The following LYZL4 variants were observed in gnomAD, a reference collection of about 807,000 sequenced individuals.
The protein encoded by LYZL4 is lysozyme like 4, also known as lysozyme-like protein 4.
In LYZL4, 13 loss-of-function variants were observed where a neutral mutation model predicts 17.6. That is an observed-to-expected ratio of 0.74 (90% CI 0.48 to 1.18). LYZL4 has a LOEUF of 1.18. LYZL4 is among the 50% of genes most tolerant of loss of function. The probability of loss-of-function intolerance (pLI) is 0.00; values close to 1 mark genes in which losing one functional copy is unlikely to be tolerated. For synonymous variants in LYZL4, 64 were observed against 67.7 expected (o/e 0.95, Z 0.27); for missense variants, 174 against 188.2 (o/e 0.92, Z 0.44).
At chr3:42,400,129 C>A (rs1434309581) in intron 4 of LYZL4, among the ~76,000 whole-genome samples, 2 of 152,182 alleles carry the variant, frequency 1.3e-5, no homozygotes, top group Non-Finnish European at 2.9e-5. Flanking sequence ...CTGCTGCCTT[C>A]AGGGCACATG....
At chr3:42,368,597 T>C in the LYZL4 span, among the ~76,000 whole-genome samples, 1 of 151,888 alleles carries the variant, frequency 6.6e-6, no homozygotes, top group East Asian at 1.9e-4. Flanking sequence ...GTTGGATAGA[T>C]TTTTTTTTCA....
chr3:42,363,360 T>C, the LYZL4 span, among the ~76,000 whole-genome samples: 56 of 152,300 alleles, frequency 3.7e-4, no homozygotes, highest in African/African-American at 1.2e-3. Context: ...TGTGTTTATG[T>C]AGAAAAATAT....
intron 4 of LYZL4, among the ~76,000 whole-genome samples, chr3:42,397,776 C>G (rs977944615): frequency 6.6e-6 from 1 of 152,156 alleles, no homozygotes; most frequent in African/African-American, 2.4e-5. Context: ...GCCCCTTTCA[C>G]CTTTCCACGT....
downstream of LYZL4, among the ~76,000 whole-genome samples, chr3:42,396,699 A>T (rs1698553014): frequency 6.6e-6 from 1 of 152,216 alleles, no homozygotes; most frequent in African/African-American, 2.4e-5. Context: ...TATTTTCCCA[A>T]ATTTCTCTAA....
At chr3:42,385,233 T>C in the LYZL4 span, among the ~76,000 whole-genome samples, 1 of 152,070 alleles carries the variant, frequency 6.6e-6, no homozygotes, top group Non-Finnish European at 1.5e-5. Flanking sequence ...AGGACAGTCA[T>C]GCATTACATT....
the LYZL4 span, among the ~76,000 whole-genome samples, chr3:42,386,734 T>C: frequency 3.2e-4 from 48 of 152,354 alleles, 1 homozygote; most frequent in East Asian, 8.7e-3. Flanking sequence ...GTTAATTTTT[T>C]GGATCTGATA....
At chr3:42,370,228 T>C in the LYZL4 span, among the ~76,000 whole-genome samples, 2 of 152,182 alleles carry the variant, frequency 1.3e-5, no homozygotes, top group African/African-American at 4.8e-5. Context: ...ACACTGCCCC[T>C]ATTTAGTAGT....
At chr3:42,403,928 T>C in intron 4 of LYZL4, 118 bp downstream of exon 4, 1 of 649,640 alleles carries the variant, frequency 1.5e-6, no homozygotes, top group Non-Finnish European at 2.7e-6. Context: ...CCTTGGTGAG[T>C]CAGAGCCTTT....
At chr3:42,384,783 G>T in the LYZL4 span, among the ~76,000 whole-genome samples, 935 of 148,912 alleles carry the variant, frequency 6.3e-3, 14 homozygotes, top group African/African-American at 0.022. Flanking sequence ...GAAGGATGGG[G>T]TGTGTGTGTG....
downstream of LYZL4, among the ~76,000 whole-genome samples, chr3:42,396,017 G>A (rs544917929): frequency 4.6e-5 from 7 of 152,014 alleles, no homozygotes; most frequent in East Asian, 1.9e-4. Context: ...AGCCGAGATC[G>A]CGCCATTGCA....
chr3:42,405,295 A>G (rs112245788), intron 3 of LYZL4, among the ~76,000 whole-genome samples: 4,840 of 152,210 alleles, frequency 0.032, 259 homozygotes, highest in African/African-American at 0.11. Flanking sequence ...TGATCCGCCC[A>G]TCTCGGCCTC....
chr3:42,384,049 G>A, the LYZL4 span, among the ~76,000 whole-genome samples: 1 of 152,178 alleles, frequency 6.6e-6, no homozygotes, highest in Non-Finnish European at 1.5e-5. Flanking sequence ...ATTGAGGCAT[G>A]TCACTGTGAA....
chr3:42,372,701 TC>T, the LYZL4 span, among the ~76,000 whole-genome samples: 1 of 152,202 alleles, frequency 6.6e-6, no homozygotes. Context: ...GGCTTAACTT[TC>T]CAGCACAACT....
the LYZL4 span, among the ~76,000 whole-genome samples, chr3:42,380,716 G>A: frequency 6.6e-6 from 1 of 152,134 alleles, no homozygotes; most frequent in East Asian, 1.9e-4. Context: ...CTACATTACA[G>A]GATTTCTTCT....
chr3:42,400,315 T>C (rs774666304), intron 4 of LYZL4, among the ~76,000 whole-genome samples: 16 of 152,196 alleles, frequency 1.1e-4, no homozygotes, highest in Non-Finnish European at 1.5e-5. Flanking sequence ...AGCACAGGTC[T>C]TCTGTGTCAC....
the LYZL4 span, among the ~76,000 whole-genome samples, chr3:42,390,632 T>C: frequency 6.6e-6 from 1 of 152,082 alleles, no homozygotes; most frequent in Non-Finnish European, 1.5e-5. Flanking sequence ...GGGGAGCAGT[T>C]ATTTTTATAT....
At chr3:42,393,341 A>G (rs1012143933), downstream of LYZL4, among the ~76,000 whole-genome samples, 2 of 151,200 alleles carry the variant, frequency 1.3e-5, no homozygotes, top group Non-Finnish European at 3.0e-5. Context: ...GCGCGTGCAC[A>G]CACACACACA....
chr3:42,375,752 T>C, the LYZL4 span, among the ~76,000 whole-genome samples: 7 of 152,180 alleles, frequency 4.6e-5, no homozygotes, highest in Non-Finnish European at 7.3e-5. Context: ...TATTAAAGAA[T>C]ATATTATGCT....
chr3:42,396,013 G>A (rs895020441), downstream of LYZL4, among the ~76,000 whole-genome samples: 6 of 152,090 alleles, frequency 3.9e-5, no homozygotes, highest in Non-Finnish European at 5.9e-5. Context: ...AGTGAGCCGA[G>A]ATCGCGCCAT....
Sources: gnomAD v4.1 joint callset for allele counts (sites outside exome capture counted in the v4.1 genomes callset) on GRCh38, gnomAD v4.1.1 for gene constraint, MANE v1.5 for transcripts, NCBI Gene and HGNC (gene_info 2026-07-23, HGNC 2026-07-21) for gene names.